The following INTS1 variants were observed in gnomAD, a reference collection of about 807,000 sequenced individuals.
The protein encoded by INTS1 is integrator complex subunit 1.
INTS1 carries 137 observed loss-of-function variants against 241.6 expected under a neutral mutation model. The observed-to-expected ratio is 0.57, with a 90% confidence interval of 0.49 to 0.65. INTS1 has a LOEUF of 0.65. Among genes scored for constraint, INTS1 ranks in the 30% least tolerant of loss-of-function variants. INTS1 has a pLI of 0.00. For synonymous variants in INTS1, 1,692 were observed against 1,337.8 expected (o/e 1.26, Z -5.78); for missense variants, 3,073 against 3,032.2 (o/e 1.01, Z -0.32).
Position 1,478,790 on chromosome 7 carries a change from C to T in INTS1, c.4425G>A (p.Gly1475=), listed in dbSNP as rs201144021. The T allele has an allele frequency of 1.9e-6, 3 of 1,605,048 alleles. No individual in the cohort carries two copies. In the African/African-American group the frequency reaches 4.0e-5, roughly 21 times the overall value. The stretch of plus-strand genomic sequence containing the variant: ...GCATCCTGAGCTGTGCCCGCAGGGG[C>T]CCGCCCTCCACGCCAGGGCTGTCCA... ...QWLDSPGVEG[G]PLRAQLRMLA... Residue 1475 remains glycine, a synonymous_variant, in exon 32 of 48, where the codon GGG becomes GGA. Transcript: ENST00000404767.
intron 40 of INTS1, 108 bp downstream of exon 40, chr7:1,474,597 C>T (rs77518332): frequency 4.3e-6 from 6 of 1,408,140 alleles, no homozygotes; most frequent in Non-Finnish European, 5.7e-6. Flanking sequence ...TGGGAACATG[C>T]TTTTTTTTGT....
intron 40 of INTS1, 85 bp from the exon 41 acceptor site, chr7:1,474,445 G>T: frequency 2.2e-6 from 3 of 1,394,624 alleles, no homozygotes; most frequent in Non-Finnish European, 2.8e-6. Flanking sequence ...TGCCTGCCCC[G>T]GGAGCCAGAC....
chr7:1,481,735 C>T lies in INTS1; in HGVS notation c.3704-247G>A. 6.7e-6 allele frequency among the ~76,000 whole-genome samples: 1 copy of T among 148,410 alleles called. No homozygotes were observed. The highest frequency in any genetic ancestry group is 2.5e-5 in the African/African-American group (1 of 40,334). ...GGGCAGTGCACACTCGGCAGCCCCA[C>T]CCGAGACCTGGGGCAGTGCACACTC... On this transcript the variant is annotated intron_variant, in intron 27 of 47. Coordinates refer to ENST00000404767, the MANE Select transcript of INTS1 (RefSeq NM_001080453.3). The surrounding 1 kb of genome is among the most constrained non-coding windows in gnomAD (Gnocchi z 6.8).
rs770223591 is a variant in INTS1, at chr7:1,486,627, T to C, written c.2974A>G (p.Lys992Glu). 1 of 1,611,282 alleles carries C rather than the reference T, an allele frequency of 6.2e-7. No homozygotes were observed. The highest frequency in any genetic ancestry group is 1.7e-4 in the Middle Eastern group (1 of 6,048). Residue 992 changes from lysine (K) to glutamate (E), a missense_variant and splice_region_variant, in exon 22 of 48, where the codon AAG (lysine) becomes GAG (glutamate). Transcript: ENST00000404767. Reference protein sequence around the residue: ...SQVASRVLAMKGLSLVLSEGS... With the variant: ...SQVASRVLAMEGLSLVLSEGS... ...GAAAGACCCGCCCACCACCTCACCT[T>C]CATGGCCAGCACGCGGGAGGCCACC... is the stretch of plus-strand genomic sequence containing the variant.
intron 39 of INTS1, 66 bp from the exon 40 acceptor site, chr7:1,474,904 C>A: frequency 2.0e-6 from 3 of 1,518,360 alleles, no homozygotes; most frequent in South Asian, 2.5e-5. Flanking sequence ...CACACTCAGC[C>A]TGGCCGCCAG....
chr7:1,477,460 G>C, intron 35 of INTS1, 90 bp downstream of exon 35: 1 of 1,419,194 alleles, frequency 7.0e-7, no homozygotes, highest in South Asian at 1.5e-5. Flanking sequence ...GCCCCTGCAA[G>C]GCTCGCCCAG....
chr7:1,476,150 G>A, intron 38 of INTS1, 79 bp from the exon 39 acceptor site: 2 of 1,525,134 alleles, frequency 1.3e-6, no homozygotes, highest in Non-Finnish European at 8.8e-7. Context: ...AGGCGTGATG[G>A]GAACCCACCC....
At chr7:1,485,491 T>C in intron 22 of INTS1, 22 bp from the exon 23 acceptor site, 1 of 1,608,556 alleles carries the variant, frequency 6.2e-7, no homozygotes, top group Admixed American at 1.7e-5. Context: ...ACTCATGAGC[T>C]GGGCCGGCTT....
In INTS1 at chr7:1,483,828, A is replaced by G; in HGVS notation, c.3455T>C (p.Leu1152Pro). 1 of 1,612,198 alleles carries G rather than the reference A, an allele frequency of 6.2e-7. No individual in the cohort carries two copies. Among genetic ancestry groups the G allele is most frequent in the Non-Finnish European group, 8.5e-7 (1 of 1,179,276 alleles). ...SWSESQDQVF[L>P]RWSSGETATM... ...GGCTGTCTCCCCGCTGCTCCAGCGT[A>G]GGAAGACCTGGTCCTGAGACTCCGA... is the stretch of plus-strand genomic sequence containing the variant. The change falls in exon 26 of 48, where the codon CTA becomes CCA. Residue 1152 changes from leucine (L) to proline (P), a missense_variant. Leu to Pro is a moderately conservative substitution (Grantham distance 98). Coordinates refer to ENST00000404767, the MANE Select transcript of INTS1 (RefSeq NM_001080453.3).
chr7:1,499,806 A>T, intron 5 of INTS1, 78 bp downstream of exon 5: 1 of 1,525,416 alleles, frequency 6.6e-7, no homozygotes, highest in Non-Finnish European at 8.8e-7. Context: ...TGGAGAGAAC[A>T]CACTTCTGCT....
In INTS1 at chr7:1,486,778, C is replaced by T. The variant is rs779154959; in HGVS notation, c.2827-4G>A. On this transcript the variant is annotated splice_region_variant and splice_polypyrimidine_tract_variant and intron_variant, in intron 21 of 47. Transcript: ENST00000404767. ...GCTGCCGCTGCTTCTGTTGCCTCTGCAGGGAGGAAGGGGCTCTCAGGGGTG... is the reference window on the plus strand; with the variant it reads ...GCTGCCGCTGCTTCTGTTGCCTCTGTAGGGAGGAAGGGGCTCTCAGGGGTG... 17 of 1,611,920 alleles carry T rather than the reference C, an allele frequency of 1.1e-5. No homozygotes were observed. The highest frequency in any genetic ancestry group is 4.0e-5 in the African/African-American group (3 of 74,886).
At position 1,497,091 on chromosome 7, in the gene INTS1, T is replaced by G. The variant is rs764144278; in HGVS notation, c.1602+47A>C. The stretch of plus-strand genomic sequence containing the variant: ...CCAGGACGAGGGGGATGGCGGCGCG[T>G]GGAACCCGCAGTGAGGGAAAGGCGC... On this transcript the variant is annotated intron_variant, in intron 11 of 47. Coordinates refer to ENST00000404767, the MANE Select transcript of INTS1 (RefSeq NM_001080453.3). This position sits in a 1 kb window ranked among gnomAD's most constrained non-coding sequence, Gnocchi z 5.3. 78 of 1,537,640 alleles carry G rather than the reference T, an allele frequency of 5.1e-5. No individual in the cohort carries two copies. Among genetic ancestry groups the G allele is most frequent in the African/African-American group, 1.1e-4 (8 of 73,204 alleles).
intron 16 of INTS1, 89 bp from the exon 17 acceptor site, chr7:1,489,771 G>A (rs1331579803): frequency 3.3e-6 from 3 of 915,668 alleles, no homozygotes; most frequent in Admixed American, 2.9e-5. Context: ...CTGGGGCAGG[G>A]ACGGTGCTGG....
rs200452907 is a variant in INTS1, at chr7:1,503,227, G to T, written c.59-36C>A. ...AGGAGAGAGAAAACCGGGCACATTT[G>T]CAACACCCAAGATGGAAAAAGACTG... On this transcript the variant is annotated intron_variant, in intron 2 of 47. Coordinates refer to ENST00000404767, the MANE Select transcript of INTS1 (RefSeq NM_001080453.3). 4 of 1,511,980 alleles carry T rather than the reference G, an allele frequency of 2.6e-6. No homozygotes were observed. The East Asian group carries it at 9.1e-5, about 34-fold the overall frequency. The allele number at this position is 1,511,980 out of a possible 1,614,324, so 93.7% of individuals were successfully genotyped here. A position where few individuals can be genotyped will look rare whatever the true frequency, so the allele number is the denominator to read the frequency against.
Position 1,503,993 on chromosome 7 carries a change from C to T in INTS1, c.-33G>A. ...CGTCCCTCGCGGCTCCCGGCGGCTG[C>T]GGCGTCACCTGCGGAGGAGCCAGCG... On this transcript the variant is annotated 5_prime_UTR_variant, in exon 2 of 48. Coordinates refer to ENST00000404767, the MANE Select transcript of INTS1 (RefSeq NM_001080453.3). 6.6e-7 allele frequency: 1 copy of T among 1,515,122 alleles called. No individual in the cohort carries two copies. Among genetic ancestry groups the T allele is most frequent in the South Asian group, 1.2e-5 (1 of 82,220 alleles). The allele number at this position is 1,515,122 out of a possible 1,614,324, so 93.9% of individuals were successfully genotyped here.
Position 1,476,030 on chromosome 7 carries a change from T to A in INTS1, c.5420A>T (p.Tyr1807Phe). Residue 1807 changes from tyrosine (Y) to phenylalanine (F), a missense_variant, in exon 39 of 48, where the codon TAC becomes TTC. Tyr to Phe is a conservative substitution (Grantham distance 22). Transcript: ENST00000404767. ...RRCRDLLLQL[Y>F]LQRPELRVPV... ...CACCCGCAGCTCCGGCCGCTGTAGG[T>A]AGAGCTGCAGGAGAAGGTCTCGGCA... is the stretch of plus-strand genomic sequence containing the variant. The A allele has an allele frequency of 6.5e-7, 1 of 1,545,836 alleles. No homozygotes were observed. Among genetic ancestry groups the A allele is most frequent in the Non-Finnish European group, 8.7e-7 (1 of 1,146,624 alleles).
At chr7:1,471,254 A>AC (rs1426704250) in intron 45 of INTS1, 30 bp from the exon 46 acceptor site, 2 of 1,552,738 alleles carry the variant, frequency 1.3e-6, no homozygotes, top group South Asian at 2.4e-5. Flanking sequence ...GAGGTGTGTG[A>AC]CCAAGGGGTC....
At chr7:1,483,456 G>A (rs79232070) in intron 26 of INTS1, 6,996 of 512,188 alleles carry the variant, frequency 0.014, 395 homozygotes, top group African/African-American at 0.12. Context: ...GGTTAGGCTG[G>A]GGCAGTGAGG....
At chr7:1,473,248 G>T in intron 42 of INTS1, 64 bp from the exon 43 acceptor site, 1 of 1,188,480 alleles carries the variant, frequency 8.4e-7, no homozygotes, top group Non-Finnish European at 1.2e-6. Context: ...TGGGTCAGGG[G>T]TCAAACTAGG....
Sources: gnomAD v4.1 joint callset for allele counts (sites outside exome capture counted in the v4.1 genomes callset) on GRCh38, gnomAD v4.1.1 for gene constraint, Gnocchi (gnomAD v3.1) non-coding constraint, MANE v1.5 for transcripts, NCBI Gene and HGNC (gene_info 2026-07-23, HGNC 2026-07-21) for gene names.